Variants in TMEM114 observed in about 807,000 individuals in gnomAD.
TMEM114 encodes the protein transmembrane protein 114.
In TMEM114, 6 loss-of-function variants were observed where a neutral mutation model predicts 6.2. The ratio of observed to expected loss-of-function variants is 0.97; its 90% CI spans 0.53 to 1.91. The LOEUF is 1.91. Among genes scored for constraint, TMEM114 ranks in the 40% most tolerant of loss-of-function variants. The pLI is 0.01. For synonymous variants in TMEM114, 104 were observed against 73.0 expected (o/e 1.42, Z -2.16); for missense variants, 218 against 158.3 (o/e 1.38, Z -2.02).
At chr16:8,580,158 T>G (rs1902084683) in intron 2 of TMEM114, among the ~76,000 whole-genome samples, 3 of 152,144 alleles carry the variant, frequency 2.0e-5, no homozygotes, top group Admixed American at 1.3e-4. Flanking sequence ...TCTTGGAGCT[T>G]GCTTTACATC....
the TMEM114 span, among the ~76,000 whole-genome samples, chr16:8,530,565 G>C: frequency 7.5e-6 from 1 of 132,730 alleles, no homozygotes. Flanking sequence ...AAGACAGCGA[G>C]GGAGACAGAG....
intron 2 of TMEM114, among the ~76,000 whole-genome samples, chr16:8,543,406 C>A (rs1900572415): frequency 6.6e-6 from 1 of 151,992 alleles, no homozygotes; most frequent in Admixed American, 6.6e-5. Context: ...CACCTGCTTT[C>A]CCTACCTACC....
At chr16:8,581,561 C>T (rs975808979) in intron 2 of TMEM114, among the ~76,000 whole-genome samples, 12 of 152,176 alleles carry the variant, frequency 7.9e-5, no homozygotes, top group African/African-American at 2.9e-4. Flanking sequence ...TCAAGCAATT[C>T]CCGTGCCTCA....
At chr16:8,528,852 G>C in the TMEM114 span, among the ~76,000 whole-genome samples, 1 of 152,198 alleles carries the variant, frequency 6.6e-6, no homozygotes, top group Non-Finnish European at 1.5e-5. Context: ...ATTACAGGAT[G>C]TGTGAATTTG....
chr16:8,581,501 T>G (rs1902147326), intron 2 of TMEM114, among the ~76,000 whole-genome samples: 2 of 152,218 alleles, frequency 1.3e-5, no homozygotes, highest in African/African-American at 4.8e-5. Flanking sequence ...TTGCCCAGGC[T>G]GGAGTGCAAT....
intron 2 of TMEM114, among the ~76,000 whole-genome samples, chr16:8,576,129 G>A (rs930301475): frequency 4.6e-5 from 7 of 152,132 alleles, no homozygotes; most frequent in Admixed American, 3.3e-4. Context: ...AAGCAGAGGT[G>A]TAAACAAGGT....
the TMEM114 span, among the ~76,000 whole-genome samples, chr16:8,528,625 A>G: frequency 6.6e-6 from 1 of 152,224 alleles, no homozygotes; most frequent in Non-Finnish European, 1.5e-5. Context: ...TAATGAGGGG[A>G]TAACCCGGTA....
chr16:8,579,310 A>G (rs749214706), intron 2 of TMEM114, among the ~76,000 whole-genome samples: 1 of 152,226 alleles, frequency 6.6e-6, no homozygotes. Context: ...TGGCAAAAGA[A>G]GAAGGTCCCA....
chr16:8,535,498 T>C (rs1278425048), downstream of TMEM114, among the ~76,000 whole-genome samples: 1 of 152,166 alleles, frequency 6.6e-6, no homozygotes, highest in African/African-American at 2.4e-5. Context: ...TTGGGGTCCA[T>C]AGCACAATCA....
downstream of TMEM114, among the ~76,000 whole-genome samples, chr16:8,535,039 C>G (rs564705200): frequency 2.6e-5 from 4 of 152,246 alleles, no homozygotes; most frequent in East Asian, 7.7e-4. Context: ...GGGGCTGGTG[C>G]TGAGATGCTA....
chr16:8,547,643 G>A (rs968709793), intron 2 of TMEM114, among the ~76,000 whole-genome samples: 4 of 152,102 alleles, frequency 2.6e-5, no homozygotes, highest in East Asian at 3.9e-4. Flanking sequence ...CACCCGCCTC[G>A]GCCTCCCAAA....
chr16:8,537,959 AGGAAAGGTGTCAT>A (rs1900409226), intron 2 of TMEM114: 1 of 152,124 alleles, frequency 6.6e-6, no homozygotes, highest in African/African-American at 2.4e-5. Context: ...GAAAAGAAAA[AGGAAAGGTGTCAT>A]GGCAGGGGTG....
At chr16:8,539,834 T>C (rs1356117106) in intron 2 of TMEM114, among the ~76,000 whole-genome samples, 1 of 152,184 alleles carries the variant, frequency 6.6e-6, no homozygotes, top group Non-Finnish European at 1.5e-5. Flanking sequence ...ATTTTATTTT[T>C]TTACACAGAG....
chr16:8,568,871 G>C (rs569031653), downstream of TMEM114, among the ~76,000 whole-genome samples: 2 of 152,334 alleles, frequency 1.3e-5, no homozygotes, highest in Non-Finnish European at 2.9e-5. Context: ...AAGATACCCA[G>C]GTGATTCTAA....
At chr16:8,583,804 G>T (rs763838338) in intron 2 of TMEM114, among the ~76,000 whole-genome samples, 3 of 151,302 alleles carry the variant, frequency 2.0e-5, no homozygotes, top group African/African-American at 7.3e-5. Flanking sequence ...CCCCAGTGAT[G>T]TAGGCGCGTG....
chr16:8,548,185 C>A (rs1596469814), intron 2 of TMEM114, among the ~76,000 whole-genome samples: 1 of 152,152 alleles, frequency 6.6e-6, no homozygotes, highest in South Asian at 2.1e-4. Flanking sequence ...GGGACCCTGA[C>A]TGAGCAAGGG....
intron 2 of TMEM114, among the ~76,000 whole-genome samples, chr16:8,588,342 T>A (rs1902379799): frequency 6.6e-6 from 1 of 151,900 alleles, no homozygotes; most frequent in Admixed American, 6.6e-5. Context: ...TCAGTCTTCA[T>A]TTCCTCATCA....
At chr16:8,541,364 G>C (rs1469783295) in intron 2 of TMEM114, among the ~76,000 whole-genome samples, 1 of 151,948 alleles carries the variant, frequency 6.6e-6, no homozygotes, top group African/African-American at 2.4e-5. Context: ...ATAATACTAA[G>C]ACCACAGACA....
In TMEM114 at chr16:8,539,136, C is replaced by T. The variant is rs139659872; in HGVS notation, n.213-1310G>A. On this transcript the variant is annotated intron_variant and non_coding_transcript_variant, in intron 2 of 2. Coordinates refer to the TMEM114 transcript ENST00000623677. The stretch of plus-strand genomic sequence containing the variant: ...TTTGGGTGTTCGGTCACAATCTGGG[C>T]ATTGCCATGGAACATGTGACCCATA... Among the ~76,000 whole-genome samples, 118 of 152,214 alleles carry T rather than the reference C, an allele frequency of 7.8e-4. No individual in the cohort carries two copies. The South Asian group carries it at 0.012, about 15-fold the overall frequency.
Sources: allele counts gnomAD v4.1 joint callset (sites outside exome capture counted in the v4.1 genomes callset), GRCh38; gene constraint gnomAD v4.1.1; transcripts MANE v1.5; gene names NCBI Gene and HGNC (gene_info 2026-07-23, HGNC 2026-07-21).